EPHB2: variants seen among roughly 807,000 people sequenced by gnomAD.
The protein encoded by EPHB2 is ephrin type-B receptor 2.
In EPHB2, 18 loss-of-function variants were observed where a neutral mutation model predicts 96.4. The ratio of observed to expected loss-of-function variants is 0.19; its 90% CI spans 0.13 to 0.28. EPHB2 has a LOEUF of 0.28. EPHB2 is among the 10% of genes least tolerant of loss of function. The probability of loss-of-function intolerance (pLI) is 1.00; values close to 1 mark genes in which losing one functional copy is unlikely to be tolerated. For missense variants in EPHB2, 989 were observed against 1,355.4 expected, an observed-to-expected ratio of 0.73 and a Z score of 4.25; for synonymous variants, 506 against 534.1, an observed-to-expected ratio of 0.95 and a Z score of 0.72.
chr1:22,857,964 T>A (rs1332935339), intron 3 of EPHB2, among the ~76,000 whole-genome samples: 2 of 152,168 alleles, frequency 1.3e-5, no homozygotes, highest in Non-Finnish European at 2.9e-5. Context: ...ACAAACCGTT[T>A]TCTAATATAA....
At chr1:22,713,736 C>T (rs888189166) in intron 1 of EPHB2, among the ~76,000 whole-genome samples, 1 of 152,236 alleles carries the variant, frequency 6.6e-6, no homozygotes, top group African/African-American at 2.4e-5. Flanking sequence ...TCCCTTCCTC[C>T]TTCCTTGTCT....
intron 9 of EPHB2, among the ~76,000 whole-genome samples, chr1:22,899,866 A>C (rs1487769978): frequency 6.6e-6 from 1 of 151,940 alleles, no homozygotes; most frequent in African/African-American, 2.4e-5. Flanking sequence ...GGTGGCACAC[A>C]CCTGTAGTCC....
rs990225880 is a variant in EPHB2 at position 22,858,675 on chromosome 1, C to T, written c.812-4362C>T. ...GTTGGGAGTGGTGTGGCCCCCCGGG[C>T]ACTGTGGGCAGTGGCCACCCAGACC... is the stretch of plus-strand genomic sequence containing the variant. On this transcript the variant is annotated intron_variant, in intron 3 of 15. Transcript: ENST00000374630. This position sits in a 1 kb window ranked among gnomAD's most constrained non-coding sequence, Gnocchi z 7.7. 6.6e-6 allele frequency among the ~76,000 whole-genome samples: 1 copy of T among 152,290 alleles called. No individual in the cohort carries two copies. Among genetic ancestry groups the T allele is most frequent in the African/African-American group, 2.4e-5 (1 of 41,546 alleles).
In EPHB2 at chr1:22,772,187, G is replaced by A. The variant is rs554761423; in HGVS notation, c.62-9234G>A. 5.9e-5 allele frequency among the ~76,000 whole-genome samples: 9 copies of A among 151,706 alleles called. No individual in the cohort carries two copies. In the South Asian group the frequency reaches 1.3e-3, roughly 21 times the overall value. On this transcript the variant is annotated intron_variant, in intron 1 of 15. Coordinates refer to ENST00000374630, the MANE Select transcript of EPHB2 (RefSeq NM_017449.5). ...AAGCCCTGGCTGCACAATGTGGCCC[G>A]CTGTTAGTGAGCAGCCAGGCTGGCC...
chr1:22,911,341 ACACAATTAGG>A (rs983566923), intron 14 of EPHB2, among the ~76,000 whole-genome samples: 4 of 152,056 alleles, frequency 2.6e-5, no homozygotes, highest in Admixed American at 2.0e-4. Context: ...ACAGATGAAC[ACACAATTAGG>A]CACAAACACT....
intron 3 of EPHB2, among the ~76,000 whole-genome samples, chr1:22,788,633 T>A (rs1570278272): frequency 1.3e-5 from 2 of 152,328 alleles, no homozygotes; most frequent in East Asian, 3.9e-4. Flanking sequence ...GGTTAGTTGG[T>A]TAAAGTGCAG....
intron 3 of EPHB2, among the ~76,000 whole-genome samples, chr1:22,854,875 A>G (rs1181106939): frequency 6.6e-6 from 1 of 152,178 alleles, no homozygotes; most frequent in Non-Finnish European, 1.5e-5. Flanking sequence ...CAGCAAAAGC[A>G]GGAAGCAGGC....
intron 1 of EPHB2, among the ~76,000 whole-genome samples, chr1:22,728,227 T>G (rs926863572): frequency 7.8e-6 from 1 of 128,054 alleles, no homozygotes; most frequent in Non-Finnish European, 1.7e-5. Context: ...AAAAAATTAC[T>G]GAATGAATGA....
chr1:22,793,144 T>C (rs1644719000), intron 3 of EPHB2, among the ~76,000 whole-genome samples: 1 of 152,156 alleles, frequency 6.6e-6, no homozygotes. Context: ...GAGATGATTC[T>C]TTCTCTCTGG....
intron 3 of EPHB2, among the ~76,000 whole-genome samples, chr1:22,817,721 C>T (rs561635388): frequency 1.3e-5 from 2 of 152,312 alleles, no homozygotes; most frequent in South Asian, 2.1e-4. Context: ...TAAAGGCGAG[C>T]CTGGTCCCCA....
intron 5 of EPHB2, 104 bp from the exon 6 acceptor site, chr1:22,882,255 C>T (rs1235447353): frequency 1.3e-6 from 2 of 1,570,858 alleles, no homozygotes; most frequent in African/African-American, 1.4e-5. Context: ...GCCCTTCCCT[C>T]TCTGATCCCA....
chr1:22,793,347 A>G lies in EPHB2; in HGVS notation c.811+8271A>G, dbSNP rs527784620. 5.2e-3 allele frequency among the ~76,000 whole-genome samples: 788 copies of G among 152,204 alleles called. 4 individuals carry two copies. Among genetic ancestry groups the G allele is most frequent in the African/African-American group, 0.018 (751 of 41,518 alleles). On this transcript the variant is annotated intron_variant, in intron 3 of 15. Coordinates refer to ENST00000374630, the MANE Select transcript of EPHB2 (RefSeq NM_017449.5). ...GGGCTGCCAGTCTAGGGCGCAGGAGAGAGCTCTATCCATAACTACAGACTT... is the reference window on the plus strand; with the variant it reads ...GGGCTGCCAGTCTAGGGCGCAGGAGGGAGCTCTATCCATAACTACAGACTT...
chr1:22,767,695 G>A (rs1306596209), intron 1 of EPHB2, among the ~76,000 whole-genome samples: 1 of 152,168 alleles, frequency 6.6e-6, no homozygotes, highest in Non-Finnish European at 1.5e-5. Context: ...CACTGGCCCA[G>A]GGTGCCCCTC....
At chr1:22,816,539 C>T (rs1645077548) in intron 3 of EPHB2, among the ~76,000 whole-genome samples, 3 of 152,158 alleles carry the variant, frequency 2.0e-5, no homozygotes, top group Admixed American at 1.3e-4. Flanking sequence ...CACGCTGTTC[C>T]CTCTGCCTGT....
At chr1:22,850,026 G>A (rs1645602249) in intron 3 of EPHB2, among the ~76,000 whole-genome samples, 1 of 152,234 alleles carries the variant, frequency 6.6e-6, no homozygotes. Context: ...ACAGCTAATT[G>A]TGTCCTTTAT....
Position 22,916,897 on chromosome 1 carries a change from C to T in EPHB2, c.*3327C>T, listed in dbSNP as rs556004916. 3 of 152,400 alleles carry T rather than the reference C, an allele frequency of 2.0e-5. No homozygotes were observed. The highest frequency in any genetic ancestry group is 1.9e-4 in the East Asian group (1 of 5,180). The allele number at this position is 152,400 out of a possible 1,614,324, so 9.4% of individuals were successfully genotyped here. On this transcript the variant is annotated 3_prime_UTR_variant, in exon 16 of 16. Transcript: ENST00000374630. This position sits in a 1 kb window ranked among gnomAD's most constrained non-coding sequence, Gnocchi z 4.2. ...CTACCCACCCGCACCCCTACTGCTA[C>T]GAAGCCCCCAGAATGGGTCATTGTT... is the stretch of plus-strand genomic sequence containing the variant.
At chr1:22,810,855 G>T (rs1644993096) in intron 3 of EPHB2, among the ~76,000 whole-genome samples, 1 of 152,090 alleles carries the variant, frequency 6.6e-6, no homozygotes, top group Non-Finnish European at 1.5e-5. Flanking sequence ...TCGAATGAGG[G>T]ACTTTCAGGC....
chr1:22,771,082 A>G (rs1234787212), intron 1 of EPHB2, among the ~76,000 whole-genome samples: 1 of 152,330 alleles, frequency 6.6e-6, no homozygotes, highest in East Asian at 1.9e-4. Flanking sequence ...TGATGATGTC[A>G]GCAGGAAAGA....
Position 22,846,251 on chromosome 1 carries a change from C to T in EPHB2, c.812-16786C>T, listed in dbSNP as rs1411386418. 1.3e-5 allele frequency among the ~76,000 whole-genome samples: 2 copies of T among 151,958 alleles called. No individual in the cohort carries two copies. The highest frequency in any genetic ancestry group is 2.1e-4 in the South Asian group (1 of 4,814). On this transcript the variant is annotated intron_variant, in intron 3 of 15. Transcript: ENST00000374630. This position sits in a 1 kb window ranked among gnomAD's most constrained non-coding sequence, Gnocchi z 4.3. ...TGGCCAACATGGTGAAACGCCATCT[C>T]GACTAAAAATATAAAATAGTCGGGC...
Sources: gnomAD v4.1 joint callset for allele counts (sites outside exome capture counted in the v4.1 genomes callset) on GRCh38, gnomAD v4.1.1 for gene constraint, Gnocchi (gnomAD v3.1) non-coding constraint, MANE v1.5 for transcripts, NCBI Gene and HGNC (gene_info 2026-07-23, HGNC 2026-07-21) for gene names.